The following MAP2 variants were observed in gnomAD, a reference collection of about 807,000 sequenced individuals.
MAP2 encodes the protein microtubule associated protein 2, also known as microtubule-associated protein 2.
In MAP2, 14 loss-of-function variants were observed where a neutral mutation model predicts 137.6. The observed-to-expected ratio is 0.10, with a 90% CI of 0.07 to 0.16. The LOEUF is 0.16. Ranked by LOEUF, MAP2 falls within the 10% of genes least tolerant of loss-of-function variation. The pLI is 1.00. For missense variants in MAP2, 2,088 were observed against 2,191.5 expected (o/e 0.95, Z 0.94); for synonymous variants, 786 against 782.3 (o/e 1.00, Z -0.08).
intron 13 of MAP2, among the ~76,000 whole-genome samples, chr2:209,720,834 G>A (rs1398867448): frequency 6.6e-6 from 1 of 151,310 alleles, no homozygotes; most frequent in Non-Finnish European, 1.5e-5. Context: ...TCTTGACATA[G>A]GTTTTTAGGA....
At chr2:209,610,445 A>AC (rs2086435204) in intron 3 of MAP2, among the ~76,000 whole-genome samples, 1 of 151,312 alleles carries the variant, frequency 6.6e-6, no homozygotes, top group Admixed American at 6.6e-5. Flanking sequence ...TATTGTTTTT[A>AC]CTTTTTTTTT....
At chr2:209,477,381 T>C (rs927056024) in intron 1 of MAP2, among the ~76,000 whole-genome samples, 1 of 152,010 alleles carries the variant, frequency 6.6e-6, no homozygotes, top group Non-Finnish European at 1.5e-5. Flanking sequence ...CTGTAGTACA[T>C]AAATATGGCT....
chr2:209,657,837 C>A (rs935985835), intron 5 of MAP2, among the ~76,000 whole-genome samples: 1 of 152,018 alleles, frequency 6.6e-6, no homozygotes, highest in Non-Finnish European at 1.5e-5. Flanking sequence ...TAATTCTTTG[C>A]CTAGGGCAAT....
At chr2:209,518,698 TG>T (rs1242827655) in intron 2 of MAP2, among the ~76,000 whole-genome samples, 1 of 152,104 alleles carries the variant, frequency 6.6e-6, no homozygotes, top group Non-Finnish European at 1.5e-5. Context: ...TCTCTCTTCA[TG>T]CACACAGAAT....
rs760560427 is a variant in MAP2 at position 209,692,719 on chromosome 2, G to A, written c.549G>A (p.Glu183=). The A allele has an allele frequency of 6.2e-7, 1 of 1,614,038 alleles. No individual in the cohort carries two copies. Among genetic ancestry groups the A allele is most frequent in the South Asian group, 1.1e-5 (1 of 91,078 alleles). Residue 183 remains glutamate (E), a synonymous_variant, in exon 8 of 16, where the codon GAG becomes GAA. Coordinates refer to ENST00000682079, the MANE Select transcript of MAP2 (RefSeq NM_001375505.1). ...EPSDQKEKES[E]KQSKPGEDLK... The stretch of plus-strand genomic sequence containing the variant: ...CAGACCAGAAGGAAAAGGAGTCAGA[G>A]AAGCAAAGTAAGCCTGGTGAAGACC...
intron 1 of MAP2, among the ~76,000 whole-genome samples, chr2:209,472,586 C>T (rs536151526): frequency 1.3e-5 from 2 of 152,210 alleles, no homozygotes; most frequent in African/African-American, 2.4e-5. Flanking sequence ...AAAGTACTGA[C>T]AAAGGCTTGA....
chr2:209,591,608 C>T (rs1192252429), intron 3 of MAP2, among the ~76,000 whole-genome samples: 1 of 152,084 alleles, frequency 6.6e-6, no homozygotes, highest in Non-Finnish European at 1.5e-5. Flanking sequence ...TAAAAACAAG[C>T]CAAACAAGAG....
At chr2:209,600,821 C>A (rs2082771504) in intron 3 of MAP2, among the ~76,000 whole-genome samples, 1 of 152,154 alleles carries the variant, frequency 6.6e-6, no homozygotes, top group East Asian at 1.9e-4. Flanking sequence ...TGCTTCCCTT[C>A]TTCTTCTCTA....
intron 1 of MAP2, among the ~76,000 whole-genome samples, chr2:209,442,181 T>C (rs973538282): frequency 6.6e-6 from 1 of 151,614 alleles, no homozygotes; most frequent in East Asian, 1.9e-4. Context: ...ACTATTTCTA[T>C]TAAGTCCTAA....
chr2:209,598,424 T>G (rs1396190986), intron 3 of MAP2, among the ~76,000 whole-genome samples: 2 of 151,492 alleles, frequency 1.3e-5, no homozygotes, highest in Non-Finnish European at 1.5e-5. Context: ...TTTATTTTAT[T>G]TATTTATTTT....
At chr2:209,550,222 T>C (rs185572644) in intron 2 of MAP2, among the ~76,000 whole-genome samples, 1,973 of 152,208 alleles carry the variant, frequency 0.013, 129 homozygotes, top group Admixed American at 0.11. Flanking sequence ...CATCCTGGCC[T>C]CTCCTCTGGG....
chr2:209,486,656 A>G (rs753181210), intron 1 of MAP2, among the ~76,000 whole-genome samples: 9 of 152,242 alleles, frequency 5.9e-5, no homozygotes, highest in African/African-American at 9.6e-5. Flanking sequence ...CAGAAATTTA[A>G]CCATCATTTG....
intron 4 of MAP2, among the ~76,000 whole-genome samples, chr2:209,639,723 T>G (rs1325035055): frequency 6.6e-6 from 1 of 152,066 alleles, no homozygotes; most frequent in African/African-American, 2.4e-5. Flanking sequence ...CCACTTCACT[T>G]CTGTTCCATA....
chr2:209,660,701 A>AATTATTATTATTATTATTATT (rs562421271), intron 5 of MAP2, among the ~76,000 whole-genome samples: 1 of 104,440 alleles, frequency 9.6e-6, no homozygotes, highest in Non-Finnish European at 1.9e-5. Flanking sequence ...GGCCTGCTGC[A>AATTATTATTATTATTATTATT]ATTATTATTA....
At chr2:209,701,158 C>G (rs2153735407) in intron 11 of MAP2, among the ~76,000 whole-genome samples, 1 of 151,898 alleles carries the variant, frequency 6.6e-6, no homozygotes, top group East Asian at 1.9e-4. Context: ...TCAAATTGCC[C>G]TCTGGAAAGG....
chr2:209,690,891 T>G (rs1030863110), intron 7 of MAP2: 8 of 1,240,382 alleles, frequency 6.4e-6, no homozygotes, highest in Non-Finnish European at 8.3e-6. Flanking sequence ...TTGCAAATGA[T>G]CTCTCCAGTG....
chr2:209,687,955 G>C (rs1181899113), intron 7 of MAP2, among the ~76,000 whole-genome samples: 1 of 152,144 alleles, frequency 6.6e-6, no homozygotes, highest in Non-Finnish European at 1.5e-5. Context: ...CTTAGGCCAG[G>C]AGAAAGGTGA....
chr2:209,483,028 C>A (rs539226243), intron 1 of MAP2, among the ~76,000 whole-genome samples: 4 of 152,150 alleles, frequency 2.6e-5, no homozygotes, highest in African/African-American at 7.2e-5. Context: ...GTTAACAAAG[C>A]GCTGAGTTTA....
rs190589158 is a variant in MAP2, at chr2:209,501,248, G to T, written c.-221-6344G>T. On this transcript the variant is annotated intron_variant, in intron 1 of 15. Coordinates refer to ENST00000682079, the MANE Select transcript of MAP2 (RefSeq NM_001375505.1). ...CAAGTGTAACTTTAACAAGGGAGAA[G>T]CATAAGAAATATAAAAATTGTGAAT... Among the ~76,000 whole-genome samples, 575 of 152,214 alleles carry T rather than the reference G, an allele frequency of 3.8e-3. 3 individuals carry two copies. Among genetic ancestry groups the T allele is most frequent in the African/African-American group, 0.013 (548 of 41,542 alleles).
Sources: allele counts gnomAD v4.1 joint callset (sites outside exome capture counted in the v4.1 genomes callset), GRCh38; gene constraint gnomAD v4.1.1; transcripts MANE v1.5; gene names NCBI Gene and HGNC (gene_info 2026-07-23, HGNC 2026-07-21).